The following SORBS2 variants were observed in gnomAD, a reference collection of about 807,000 sequenced individuals.
The protein encoded by SORBS2 is sorbin and SH3 domain containing 2.
Under a neutral mutation model 97.7 loss-of-function variants are expected in SORBS2, and 46 were observed. That is an observed-to-expected ratio of 0.47 (90% CI 0.37 to 0.60). SORBS2 has a LOEUF of 0.60. SORBS2 is among the 20% of genes least tolerant of loss of function. The probability of loss-of-function intolerance (pLI) is 0.00; values close to 1 mark genes in which losing one functional copy is unlikely to be tolerated. For synonymous variants in SORBS2, 476 were observed against 473.4 expected (o/e 1.01, Z -0.07); for missense variants, 1,316 against 1,282.3 (o/e 1.03, Z -0.40).
At chr4:185,852,936 C>T (rs923059871) in intron 1 of SORBS2, among the ~76,000 whole-genome samples, 29 of 152,198 alleles carry the variant, frequency 1.9e-4, no homozygotes, top group African/African-American at 6.8e-4. Context: ...GGTGTTCACT[C>T]TCCCTTTGTG....
At chr4:185,724,854 T>C in intron 2 of SORBS2, among the ~76,000 whole-genome samples, 1 of 152,230 alleles carries the variant, frequency 6.6e-6, no homozygotes, top group East Asian at 1.9e-4. Flanking sequence ...TTATTCTTTG[T>C]TTCTGTGTTC....
At chr4:185,833,423 G>A (rs2099206220) in intron 1 of SORBS2, among the ~76,000 whole-genome samples, 1 of 152,106 alleles carries the variant, frequency 6.6e-6, no homozygotes, top group Non-Finnish European at 1.5e-5. Context: ...GTAATACTGT[G>A]GCTTCTATGC....
chr4:185,687,188 C>A (rs1355937795), intron 2 of SORBS2, among the ~76,000 whole-genome samples: 1 of 152,196 alleles, frequency 6.6e-6, no homozygotes, highest in East Asian at 1.9e-4. Context: ...CCACCACGCC[C>A]AGCTAATTTT....
intron 12 of SORBS2, among the ~76,000 whole-genome samples, chr4:185,599,402 G>A (rs936804314): frequency 6.6e-6 from 1 of 152,152 alleles, no homozygotes; most frequent in Admixed American, 6.5e-5. Context: ...AGTAGCTAAG[G>A]GAAAGTAATT....
chr4:185,872,642 T>G (rs763269925), intron 1 of SORBS2, among the ~76,000 whole-genome samples: 17 of 152,230 alleles, frequency 1.1e-4, no homozygotes, highest in Non-Finnish European at 2.9e-5. Context: ...TCTAAGTTTT[T>G]CTAAGCCACC....
chr4:185,656,746 T>C, exon 1 of SORBS2: 1 of 1,533,650 alleles, frequency 6.5e-7, no homozygotes, highest in Non-Finnish European at 8.8e-7. Context: ...CTGCTACTGC[T>C]GCGTTTTGCC....
chr4:185,700,580 C>T, intron 2 of SORBS2, among the ~76,000 whole-genome samples: 1 of 152,050 alleles, frequency 6.6e-6, no homozygotes, highest in East Asian at 1.9e-4. Flanking sequence ...CAGCTAGAAG[C>T]TTCAATATTC....
intron 1 of SORBS2, among the ~76,000 whole-genome samples, chr4:185,892,675 G>A (rs571956739): frequency 1.3e-5 from 2 of 152,308 alleles, no homozygotes; most frequent in East Asian, 3.9e-4. Context: ...GACACAGAAG[G>A]AAAAATCCTG....
intron 2 of SORBS2, among the ~76,000 whole-genome samples, chr4:185,736,862 T>C (rs1205378254): frequency 2.6e-5 from 4 of 152,192 alleles, no homozygotes; most frequent in Non-Finnish European, 4.4e-5. Flanking sequence ...TTGGGGAGAC[T>C]GAAAGGTTCC....
intron 1 of SORBS2, among the ~76,000 whole-genome samples, chr4:185,791,662 G>C (rs2099080658): frequency 6.6e-6 from 1 of 151,744 alleles, no homozygotes; most frequent in African/African-American, 2.4e-5. Flanking sequence ...TTATAAAAGT[G>C]AGTGCTCATA....
chr4:185,587,887 C>T (rs924810775), intron 14 of SORBS2, 199 bp from the exon 27 acceptor site: 25 of 521,164 alleles, frequency 4.8e-5, no homozygotes, highest in Non-Finnish European at 7.2e-5. Flanking sequence ...TCTCACTGCC[C>T]CTCCGGCATA....
intron 2 of SORBS2, among the ~76,000 whole-genome samples, chr4:185,699,283 C>CTT (rs1561987234): frequency 9.5e-6 from 1 of 105,050 alleles, no homozygotes; most frequent in Non-Finnish European, 2.0e-5. Flanking sequence ...ATGAAATGTA[C>CTT]CTTTTTTTTT....
intron 7 of SORBS2, among the ~76,000 whole-genome samples, chr4:185,622,332 T>C (rs2096731624): frequency 1.3e-5 from 2 of 152,188 alleles, no homozygotes; most frequent in African/African-American, 4.8e-5. Flanking sequence ...TTTATATATA[T>C]AGCTTAAAGA....
chr4:185,896,056 T>C (rs1196322058), intron 1 of SORBS2, among the ~76,000 whole-genome samples: 1 of 152,120 alleles, frequency 6.6e-6, no homozygotes, highest in African/African-American at 2.4e-5. Flanking sequence ...AAGGATCAAA[T>C]GCTCATAGGC....
At position 185,940,275 on chromosome 4, in the gene SORBS2, C is replaced by A. The variant is rs970834261; in HGVS notation, c.-338+15921G>T. The stretch of plus-strand genomic sequence containing the variant: ...CTCCAAACTAGTATGGTCAACAGCC[C>A]AGTTACCACTTGCAGGATCCCAAAT... On this transcript the variant is annotated intron_variant, in intron 1 of 20. Coordinates refer to the SORBS2 transcript ENST00000284776. 2.6e-5 allele frequency among the ~76,000 whole-genome samples: 4 copies of A among 152,326 alleles called. No individual in the cohort carries two copies. The South Asian group carries it at 8.3e-4, about 32-fold the overall frequency.
intron 9 of SORBS2, among the ~76,000 whole-genome samples, chr4:185,616,941 G>A (rs564410657): frequency 2.0e-5 from 3 of 152,144 alleles, no homozygotes; most frequent in Non-Finnish European, 4.4e-5. Flanking sequence ...TAGAGACGGG[G>A]TTTCACCATG....
intron 2 of SORBS2, among the ~76,000 whole-genome samples, chr4:185,758,550 A>T (rs1031242924): frequency 6.6e-6 from 1 of 152,158 alleles, no homozygotes; most frequent in Non-Finnish European, 1.5e-5. Flanking sequence ...TTTAAACACC[A>T]TGGAGACCCA....
Position 185,848,412 on chromosome 4 carries a change from A to AT in SORBS2, c.-337-73047dup, listed in dbSNP as rs769738606. Among the ~76,000 whole-genome samples, 25 of 152,036 alleles carry AT rather than the reference A, an allele frequency of 1.6e-4. 1 individual carries two copies. In the East Asian group the frequency reaches 3.7e-3, roughly 22 times the overall value. Reference sequence around the variant, plus strand: ...ACCATCTCAACTTTTGCTTTGGCAAATTTTTTTTCCATGTCAACAACTGCT... The same window carrying AT: ...ACCATCTCAACTTTTGCTTTGGCAAATTTTTTTTTCCATGTCAACAACTGCT... On this transcript the variant is annotated intron_variant, in intron 1 of 20. Transcript: ENST00000284776.
At chr4:185,932,709 G>A (rs963961770) in intron 1 of SORBS2, among the ~76,000 whole-genome samples, 1 of 148,970 alleles carries the variant, frequency 6.7e-6, no homozygotes, top group African/African-American at 2.4e-5. Flanking sequence ...TGTAGGCAGG[G>A]CCTGGCCTAA....
Sources: gnomAD v4.1 joint callset for allele counts (sites outside exome capture counted in the v4.1 genomes callset) on GRCh38, gnomAD v4.1.1 for gene constraint, MANE v1.5 for transcripts, NCBI Gene and HGNC (gene_info 2026-07-23, HGNC 2026-07-21) for gene names.